The following CEP44 variants were observed in gnomAD, a reference collection of about 807,000 sequenced individuals.
CEP44 encodes the protein centrosomal protein of 44 kDa.
CEP44 carries 45 observed loss-of-function variants against 46.7 expected under a neutral mutation model. The observed-to-expected ratio is 0.96, with a 90% CI of 0.76 to 1.24. The LOEUF is 1.24. CEP44 is among the 50% of genes most tolerant of loss of function. The pLI is 0.00. For synonymous variants in CEP44, 142 were observed against 146.0 expected (o/e 0.97, Z 0.20); for missense variants, 475 against 459.7 (o/e 1.03, Z -0.30).
intron 1 of CEP44, among the ~76,000 whole-genome samples, chr4:174,294,589 A>G (rs1302509052): frequency 6.6e-6 from 1 of 151,878 alleles, no homozygotes; most frequent in Non-Finnish European, 1.5e-5. Flanking sequence ...GTGGCTGGGC[A>G]GAGGGGCTCC....
intron 6 of CEP44, among the ~76,000 whole-genome samples, chr4:174,306,887 T>C (rs1017608761): frequency 1.3e-5 from 2 of 152,046 alleles, no homozygotes; most frequent in Non-Finnish European, 2.9e-5. Flanking sequence ...ATAAAATACC[T>C]AGGAATCTAG....
rs1741623959 is a variant in CEP44 at position 174,315,831 on chromosome 4, ACTC to A, written c.962-333_962-331del. On this transcript the variant is annotated intron_variant, in intron 9 of 11. Coordinates refer to ENST00000503780, the MANE Select transcript of CEP44 (RefSeq NM_001040157.3). The stretch of plus-strand genomic sequence containing the variant: ...ACTCCTGCCTGGGCGACAGAGCGAG[ACTC>A]CGTCTCAAAAAAAAAAAAAAAAAAA... Among the ~76,000 whole-genome samples, 5 of 129,078 alleles carry A rather than the reference ACTC, an allele frequency of 3.9e-5. No individual in the cohort carries two copies. In the South Asian group the frequency reaches 7.6e-4, roughly 20 times the overall value. The allele number at this position is 129,078 out of a possible 152,430, so 84.7% of individuals were successfully genotyped here.
Position 174,311,041 on chromosome 4 carries a change from C to A in CEP44, c.961+183C>A, listed in dbSNP as rs796739776. Among the ~76,000 whole-genome samples the A allele has an allele frequency of 2.0e-5, 3 of 152,090 alleles. No homozygotes were observed. Among genetic ancestry groups the A allele is most frequent in the African/African-American group, 7.2e-5 (3 of 41,556 alleles). On this transcript the variant is annotated intron_variant, in intron 9 of 11. Transcript: ENST00000503780. This position sits in a 1 kb window ranked among gnomAD's most constrained non-coding sequence, Gnocchi z 4.4. ...TTAACTAACCAGCCTACTTATTTCACATAACATAGTGGGTGAATAAATTTC... is the reference window on the plus strand; with the variant it reads ...TTAACTAACCAGCCTACTTATTTCAAATAACATAGTGGGTGAATAAATTTC...
chr4:174,317,246 T>C (rs1741839401), intron 11 of CEP44, 89 bp from the exon 12 acceptor site: 2 of 510,080 alleles, frequency 3.9e-6, no homozygotes, highest in African/African-American at 2.0e-5. Flanking sequence ...AAATTTATTT[T>C]AGGCTAAAAA....
Position 174,318,286 on chromosome 4 carries a change from C to G in CEP44, c.*903C>G. Reference sequence around the variant, plus strand: ...CCGTGTTGGTCAGGCTGGTCTCAAACTCCTGACCTCAGGTGATCTGCCTGT... The same window carrying G: ...CCGTGTTGGTCAGGCTGGTCTCAAAGTCCTGACCTCAGGTGATCTGCCTGT... On this transcript the variant is annotated 3_prime_UTR_variant, in exon 12 of 12. Coordinates refer to ENST00000503780, the MANE Select transcript of CEP44 (RefSeq NM_001040157.3). 1 of 963,852 alleles carries G rather than the reference C, an allele frequency of 1.0e-6. No homozygotes were observed. Among genetic ancestry groups the G allele is most frequent in the Non-Finnish European group, 1.2e-6 (1 of 810,342 alleles). 59.7% of individuals were successfully genotyped at this position (963,852 alleles called of 1,614,324 possible).
chr4:174,294,574 G>A (rs1738634265), intron 1 of CEP44, among the ~76,000 whole-genome samples: 1 of 151,872 alleles, frequency 6.6e-6, no homozygotes, highest in African/African-American at 2.4e-5. Flanking sequence ...CTCCCAGACG[G>A]GGTGGTGGCT....
intron 2 of CEP44, 123 bp from the exon 3 acceptor site, chr4:174,298,949 G>A (rs368903445): frequency 9.2e-6 from 5 of 541,550 alleles, no homozygotes; most frequent in South Asian, 8.2e-5. Flanking sequence ...GAAGAAGCTC[G>A]GGGAAAAAGA....
At chr4:174,299,761 C>T (rs1478220728) in intron 3 of CEP44, among the ~76,000 whole-genome samples, 1 of 152,170 alleles carries the variant, frequency 6.6e-6, no homozygotes, top group African/African-American at 2.4e-5. Flanking sequence ...ACAGACCCCA[C>T]TTTGAACCTT....
At chr4:174,316,434 GC>G in intron 10 of CEP44, 95 bp from the exon 11 acceptor site, 5 of 1,349,380 alleles carry the variant, frequency 3.7e-6, no homozygotes, top group Non-Finnish European at 2.1e-6. Flanking sequence ...AGTACTTAAT[GC>G]AATGTTTCAA....
chr4:174,320,051 C>G lies in CEP44; in HGVS notation c.*2668C>G, dbSNP rs10929. 572 of 985,106 alleles carry G rather than the reference C, an allele frequency of 5.8e-4. 2 individuals are homozygous for G. The highest frequency in any genetic ancestry group is 4.5e-3 in the South Asian group (96 of 21,274). 61.0% of individuals were successfully genotyped at this position (985,106 alleles called of 1,614,324 possible). ...ATAAACTGGTTGAAAAAACACTGTA[C>G]TACCAACAAAGGTGTCAGTTGCTTG... is the stretch of plus-strand genomic sequence containing the variant. On this transcript the variant is annotated 3_prime_UTR_variant, in exon 12 of 12. Coordinates refer to ENST00000503780, the MANE Select transcript of CEP44 (RefSeq NM_001040157.3).
rs1741969617 is a variant in CEP44, at chr4:174,318,339, G to T, written c.*956G>T. 1 of 985,276 alleles carries T rather than the reference G, an allele frequency of 1.0e-6. No individual in the cohort carries two copies. Among genetic ancestry groups the T allele is most frequent in the Non-Finnish European group, 1.2e-6 (1 of 829,920 alleles). 61.0% of individuals were successfully genotyped at this position (985,276 alleles called of 1,614,324 possible). On this transcript the variant is annotated 3_prime_UTR_variant, in exon 12 of 12. Transcript: ENST00000503780. ...TGGCCTCCGGCGTAACACTTTTTAA[G>T]ACCAGTGTAACAGAAAGAGAATGTA... is the stretch of plus-strand genomic sequence containing the variant.
Position 174,312,548 on chromosome 4 carries a change from C to T in CEP44, c.961+1690C>T, listed in dbSNP as rs951269667. The stretch of plus-strand genomic sequence containing the variant: ...TGAACTCCTGGGCTCAAGCAATCCT[C>T]CCATCTCTGCTTCTCAAAGTACTGG... On this transcript the variant is annotated intron_variant, in intron 9 of 11. Coordinates refer to ENST00000503780, the MANE Select transcript of CEP44 (RefSeq NM_001040157.3). This position sits in a 1 kb window ranked among gnomAD's most constrained non-coding sequence, Gnocchi z 4.5. Among the ~76,000 whole-genome samples, 1 of 152,122 alleles carries T rather than the reference C, an allele frequency of 6.6e-6. No individual in the cohort carries two copies. Among genetic ancestry groups the T allele is most frequent in the Admixed American group, 6.6e-5 (1 of 15,264 alleles).
At chr4:174,303,145 T>C (rs931253437) in intron 4 of CEP44, among the ~76,000 whole-genome samples, 1 of 152,152 alleles carries the variant, frequency 6.6e-6, no homozygotes, top group African/African-American at 2.4e-5. Context: ...ATGTAGTCTC[T>C]GTTTAATCTT....
chr4:174,303,189 A>T (rs762720056), intron 4 of CEP44, among the ~76,000 whole-genome samples: 5 of 152,028 alleles, frequency 3.3e-5, no homozygotes, highest in Admixed American at 6.6e-5. Flanking sequence ...GAAGACATCC[A>T]TGGAAGCCTA....
At chr4:174,330,647 T>A (rs1038626044) in intron 8 of CEP44, among the ~76,000 whole-genome samples, 2 of 142,954 alleles carry the variant, frequency 1.4e-5, no homozygotes, top group African/African-American at 5.1e-5. Flanking sequence ...CATTTAATCT[T>A]TTATGTGCCA....
intron 3 of CEP44, among the ~76,000 whole-genome samples, chr4:174,299,981 A>G (rs1451489810): frequency 6.6e-6 from 1 of 152,188 alleles, no homozygotes. Flanking sequence ...TGTAAGCTGA[A>G]GTCTTGGACT....
chr4:174,291,822 G>A (rs1338142717), intron 1 of CEP44, among the ~76,000 whole-genome samples: 1 of 104,328 alleles, frequency 9.6e-6, no homozygotes, highest in African/African-American at 3.8e-5. Context: ...TCCAGGTCTG[G>A]CTCTGTTGCC....
chr4:174,316,701 C>G, intron 11 of CEP44, 134 bp downstream of exon 11: 1 of 703,200 alleles, frequency 1.4e-6, no homozygotes. Context: ...TCCTTCAGGA[C>G]TCCACTGGAT....
Position 174,312,771 on chromosome 4 carries a change from C to A in CEP44, c.961+1913C>A, listed in dbSNP as rs1468060128. On this transcript the variant is annotated intron_variant, in intron 9 of 11. Transcript: ENST00000503780. The surrounding 1 kb of genome is among the most constrained non-coding windows in gnomAD (Gnocchi z 4.5). Reference sequence around the variant, plus strand: ...AGTTTATAAAGACTTACACATTATACCTTATACATGCTACTTGGAAATAGG... The same window carrying A: ...AGTTTATAAAGACTTACACATTATAACTTATACATGCTACTTGGAAATAGG... Among the ~76,000 whole-genome samples, 2 of 152,104 alleles carry A rather than the reference C, an allele frequency of 1.3e-5. No homozygotes were observed. Among genetic ancestry groups the A allele is most frequent in the Non-Finnish European group, 2.9e-5 (2 of 68,038 alleles).
Sources: gnomAD v4.1 joint callset for allele counts (sites outside exome capture counted in the v4.1 genomes callset) on GRCh38, gnomAD v4.1.1 for gene constraint, Gnocchi (gnomAD v3.1) non-coding constraint, MANE v1.5 for transcripts, NCBI Gene and HGNC (gene_info 2026-07-23, HGNC 2026-07-21) for gene names.